MTPAP: variants seen among roughly 807,000 people sequenced by gnomAD.
MTPAP encodes poly(A) RNA polymerase, mitochondrial.
In MTPAP, 23 loss-of-function variants were observed where a neutral mutation model predicts 48.7. That is an observed-to-expected ratio of 0.47 (90% confidence interval 0.34 to 0.67). The LOEUF (loss-of-function observed/expected upper bound fraction) is 0.67, where lower values mean the gene tolerates loss of function less well. Among genes scored for constraint, MTPAP ranks in the 30% least tolerant of loss-of-function variants. The pLI is 0.01. For synonymous variants in MTPAP, 257 were observed against 254.1 expected, an observed-to-expected ratio of 1.01 and a Z score of -0.11; for missense variants, 614 against 694.3, an observed-to-expected ratio of 0.88 and a Z score of 1.30.
intron 5 of MTPAP, among the ~76,000 whole-genome samples, chr10:30,323,128 C>CAAAAAAAAAAAAAA (rs201987154): frequency 1.2e-5 from 1 of 86,514 alleles, no homozygotes; most frequent in Non-Finnish European, 2.1e-5. Flanking sequence ...GACTCCGTTT[C>CAAAAAAAAAAAAAA]AAAAAAAAAA....
chr10:30,315,644 G>A (rs979829896), intron 8 of MTPAP, among the ~76,000 whole-genome samples: 1 of 152,164 alleles, frequency 6.6e-6, no homozygotes, highest in African/African-American at 2.4e-5. Context: ...ACAGCTGTAT[G>A]TAAATAATAG....
chr10:30,333,840 T>A (rs1413774187), intron 4 of MTPAP, among the ~76,000 whole-genome samples: 2 of 152,054 alleles, frequency 1.3e-5, no homozygotes, highest in Non-Finnish European at 1.5e-5. Context: ...AGGCAGAGGT[T>A]ACAGTGAGCT....
intron 6 of MTPAP, among the ~76,000 whole-genome samples, chr10:30,318,227 A>AT (rs1223400624): frequency 6.6e-6 from 1 of 152,096 alleles, no homozygotes; most frequent in Non-Finnish European, 1.5e-5. Flanking sequence ...TTTATCTCCC[A>AT]TTTTTTGTGT....
At chr10:30,339,839 CA>C (rs1834777655) in intron 3 of MTPAP, 1 of 218,676 alleles carries the variant, frequency 4.6e-6, no homozygotes, top group Non-Finnish European at 9.2e-6. Context: ...TCTGTGAATG[CA>C]AGAATGACTT....
At position 30,324,322 on chromosome 10, in the gene MTPAP, T is replaced by C. The variant is rs551642726; in HGVS notation, c.993-1705A>G. On this transcript the variant is annotated intron_variant, in intron 5 of 8. Coordinates refer to ENST00000263063, the MANE Select transcript of MTPAP (RefSeq NM_018109.4). ...CCCAGGAGTTTGAGACCACCCTAGG[T>C]AACATAGTAAGACCCTGTCTTTATA... Among the ~76,000 whole-genome samples, 3 of 152,120 alleles carry C rather than the reference T, an allele frequency of 2.0e-5. No homozygotes were observed. The East Asian group carries it at 5.8e-4, about 29-fold the overall frequency.
Position 30,314,099 on chromosome 10 carries a change from T to C in MTPAP, c.1387-128A>G. 6 of 1,135,448 alleles carry C rather than the reference T, an allele frequency of 5.3e-6. No individual in the cohort carries two copies. In the South Asian group the frequency reaches 5.4e-5, roughly 10 times the overall value. 70.3% of individuals were successfully genotyped at this position (1,135,448 alleles called of 1,614,324 possible). A position where few individuals can be genotyped will look rare whatever the true frequency, so the allele number is the denominator to read the frequency against. On this transcript the variant is annotated intron_variant, in intron 8 of 8. Coordinates refer to ENST00000263063, the MANE Select transcript of MTPAP (RefSeq NM_018109.4). ...TTAACTTTACATAGCAAAGAATTTCTTTCTCAGGGGATTGAGTATGTATGC... is the reference window on the plus strand; with the variant it reads ...TTAACTTTACATAGCAAAGAATTTCCTTCTCAGGGGATTGAGTATGTATGC...
At chr10:30,315,640 G>A (rs947940850) in intron 8 of MTPAP, among the ~76,000 whole-genome samples, 4 of 152,108 alleles carry the variant, frequency 2.6e-5, no homozygotes, top group Non-Finnish European at 5.9e-5. Flanking sequence ...AAAAACAGCT[G>A]TATGTAAATA....
rs1259140611 is a variant in MTPAP at position 30,313,375 on chromosome 10, G to A, written c.*234C>T. ...CTCCTGAGCAGCTGGGACTACAGGT[G>A]TGCACCGCCACACTCCACAGCTGAT... On this transcript the variant is annotated 3_prime_UTR_variant, in exon 9 of 9. Transcript: ENST00000263063. 4 of 538,430 alleles carry A rather than the reference G, an allele frequency of 7.4e-6. No individual in the cohort carries two copies. Among genetic ancestry groups the A allele is most frequent in the South Asian group, 2.1e-5 (1 of 48,546 alleles). The allele number at this position is 538,430 out of a possible 1,614,324, so 33.4% of individuals were successfully genotyped here. A position where few individuals can be genotyped will look rare whatever the true frequency, so the allele number is the denominator to read the frequency against.
intron 5 of MTPAP, 148 bp downstream of exon 5, chr10:30,326,276 T>A: frequency 1.4e-6 from 1 of 715,804 alleles, no homozygotes; most frequent in East Asian, 2.7e-5. Flanking sequence ...GAGAAAAGAT[T>A]ACTTACTTTT....
At chr10:30,315,525 C>CAAAA (rs1403463929) in intron 8 of MTPAP, among the ~76,000 whole-genome samples, 1 of 137,350 alleles carries the variant, frequency 7.3e-6, no homozygotes, top group Non-Finnish European at 1.6e-5. Flanking sequence ...CAAAACAAAA[C>CAAAA]AAAACAAAAC....
intron 6 of MTPAP, among the ~76,000 whole-genome samples, chr10:30,319,744 T>G (rs902911683): frequency 6.6e-6 from 1 of 152,234 alleles, no homozygotes; most frequent in Admixed American, 6.5e-5. Flanking sequence ...AGGCAAAAAG[T>G]GTATTTTGCT....
rs375768215 is a variant in MTPAP at position 30,336,995 on chromosome 10, C to T, written c.588G>A (p.Glu196=). The change falls in exon 4 of 9, where the codon GAG becomes GAA. Residue 196 remains glutamate, a synonymous_variant. Transcript: ENST00000263063. ...IDDQLNTLLK[E]FQLTEENTKL... ...TAGTGTTCTCCTCTGTTAGCTGGAA[C>T]TCCTTCAAGAGAGTGTTCAGCTGAT... 21 of 1,613,362 alleles carry T rather than the reference C, an allele frequency of 1.3e-5. No homozygotes were observed. Among genetic ancestry groups the T allele is most frequent in the Non-Finnish European group, 1.7e-5 (20 of 1,179,990 alleles).
At chr10:30,338,039 C>T (rs191772165) in intron 3 of MTPAP, among the ~76,000 whole-genome samples, 4 of 152,152 alleles carry the variant, frequency 2.6e-5, no homozygotes, top group East Asian at 1.9e-4. Flanking sequence ...GCGGGAGGAT[C>T]GCTTGAGCTC....
At chr10:30,324,486 C>T (rs1834556807) in intron 5 of MTPAP, among the ~76,000 whole-genome samples, 3 of 151,740 alleles carry the variant, frequency 2.0e-5, no homozygotes, top group Non-Finnish European at 4.4e-5. Context: ...CCCAAGAGTT[C>T]GAGGCTACAG....
chr10:30,337,338 C>T (rs759572014), intron 3 of MTPAP, among the ~76,000 whole-genome samples: 16 of 152,134 alleles, frequency 1.1e-4, no homozygotes, highest in Non-Finnish European at 2.1e-4. Flanking sequence ...GCAGGAGAAT[C>T]GCTTGAACCC....
In MTPAP at chr10:30,349,153, C is replaced by G; in HGVS notation, c.123G>C (p.Arg41Ser). 2 of 1,613,800 alleles carry G rather than the reference C, an allele frequency of 1.2e-6. No homozygotes were observed. Among genetic ancestry groups the G allele is most frequent in the South Asian group, 2.2e-5 (2 of 91,062 alleles). Reference sequence around the variant, plus strand: ...CGCTCCCTGAAGGCTGCTCGTCTCTCCTAAGGTCTTTGGCCACAGTTCCTG... The same window carrying G: ...CGCTCCCTGAAGGCTGCTCGTCTCTGCTAAGGTCTTTGGCCACAGTTCCTG... ...SCPGTVAKDL[R>S]RDEQPSGSVE... Residue 41 changes from arginine to serine, a missense_variant, in exon 1 of 9, where the codon AGG (arginine) becomes AGC (serine). Arg to Ser is a moderately radical substitution (Grantham distance 110). This residue lies in a region of MTPAP where 125 missense variants were observed against 111.5 expected (regional missense o/e 1.12). Transcript: ENST00000263063.
At chr10:30,314,221 A>G (rs1840634986) in intron 8 of MTPAP, among the ~76,000 whole-genome samples, 2 of 151,684 alleles carry the variant, frequency 1.3e-5, no homozygotes, top group African/African-American at 4.8e-5. Flanking sequence ...CTTATCATCT[A>G]TGGATGATGA....
chr10:30,323,441 G>A (rs1472645751), intron 5 of MTPAP, among the ~76,000 whole-genome samples: 4 of 97,748 alleles, frequency 4.1e-5, no homozygotes, highest in Non-Finnish European at 7.7e-5. Flanking sequence ...GTCAGAGCAA[G>A]ACCCTGCCTC....
Position 30,310,728 on chromosome 10 carries a change from C to G in MTPAP, c.*2881G>C, listed in dbSNP as rs956560722. 6.6e-6 allele frequency: 1 copy of G among 151,924 alleles called. No homozygotes were observed. The highest frequency in any genetic ancestry group is 1.5e-5 in the Non-Finnish European group (1 of 68,086). 9.4% of individuals were successfully genotyped at this position (151,924 alleles called of 1,614,324 possible). A position where few individuals can be genotyped will look rare whatever the true frequency, so the allele number is the denominator to read the frequency against. ...CAGCCTGGCCAACATGGTGAAACCC[C>G]GTCTCTACTAACATACAAAAATTAG... On this transcript the variant is annotated 3_prime_UTR_variant, in exon 9 of 9. Coordinates refer to ENST00000263063, the MANE Select transcript of MTPAP (RefSeq NM_018109.4).
Sources: allele counts gnomAD v4.1 joint callset (sites outside exome capture counted in the v4.1 genomes callset), GRCh38; gene constraint gnomAD v4.1.1; regional missense constraint gnomAD v4.1.1; transcripts MANE v1.5; gene names NCBI Gene and HGNC (gene_info 2026-07-23, HGNC 2026-07-21).